The following KIAA1549 variants were observed in gnomAD, a reference collection of about 807,000 sequenced individuals.
KIAA1549 encodes UPF0606 protein KIAA1549.
A neutral mutation model predicts 156.4 loss-of-function variants in KIAA1549; 70 were observed. The ratio of observed to expected loss-of-function variants is 0.45; its 90% CI spans 0.37 to 0.55. The LOEUF is 0.55. KIAA1549 is among the 20% of genes least tolerant of loss of function. KIAA1549 has a pLI of 0.00. For synonymous variants in KIAA1549, 1,103 were observed against 1,066.4 expected (o/e 1.03, Z -0.67); for missense variants, 2,428 against 2,540.9 (o/e 0.96, Z 0.96).
chr7:138,871,018 T>C (rs974399392), intron 13 of KIAA1549, 139 bp downstream of exon 13: 5 of 712,002 alleles, frequency 7.0e-6, no homozygotes, highest in Admixed American at 2.7e-5. Context: ...CGTTTCACCA[T>C]GTTGGCCAGG....
chr7:138,869,694 T>G lies in KIAA1549; in HGVS notation c.4619A>C (p.Lys1540Thr). 6.2e-7 allele frequency: 1 copy of G among 1,612,304 alleles called. No homozygotes were observed. The highest frequency in any genetic ancestry group is 8.5e-7 in the Non-Finnish European group (1 of 1,179,838). The change falls in exon 14 of 20, where the codon AAG becomes ACG. Residue 1540 changes from lysine (K) to threonine (T), a missense_variant. This residue lies in a region of KIAA1549 where 404 missense variants were observed against 417.0 expected (regional missense o/e 0.97). Transcript: ENST00000422774. ...HHRNKIRLRA[K>T]RRGHYEFPVV... ...CGGGAACTCGTAGTGCCCGCGGCGCTTGGCGCGCAGGCGGATCTTGTTGCG... is the reference window on the plus strand; with the variant it reads ...CGGGAACTCGTAGTGCCCGCGGCGCGTGGCGCGCAGGCGGATCTTGTTGCG...
At position 138,907,252 on chromosome 7, in the gene KIAA1549, C is replaced by A. The variant is rs551121408; in HGVS notation, c.3277-150G>T. 33 of 627,482 alleles carry A rather than the reference C, an allele frequency of 5.3e-5. No homozygotes were observed. In the Admixed American group the frequency reaches 1.0e-3, roughly 19 times the overall value. 38.9% of individuals were successfully genotyped at this position (627,482 alleles called of 1,614,324 possible). A position where few individuals can be genotyped will look rare whatever the true frequency, so the allele number is the denominator to read the frequency against. The stretch of plus-strand genomic sequence containing the variant: ...GTAACTGGCTTTCTAACCTGGTTCC[C>A]TTTTGTAAGAGTTTAACTGCTCAGT... On this transcript the variant is annotated intron_variant, in intron 5 of 19. Transcript: ENST00000422774.
rs750667002 is a variant in KIAA1549 at position 138,871,346 on chromosome 7, A to G, written c.4362T>C (p.Ser1454=). Residue 1454 remains serine (S), a synonymous_variant, in exon 13 of 20, where the codon AGT becomes AGC. Coordinates refer to ENST00000422774, the MANE Select transcript of KIAA1549 (RefSeq NM_001164665.2). ...RAPQSGPPLP[S]SGNEQHSSAS... is the part of the protein sequence containing the mutation. ...CTGATGAGTGCTGCTCATTTCCCGAACTGGGCAGTGGTGGCCCTGGAACAG... is the reference window on the plus strand; with the variant it reads ...CTGATGAGTGCTGCTCATTTCCCGAGCTGGGCAGTGGTGGCCCTGGAACAG... 278 of 1,556,904 alleles carry G rather than the reference A, an allele frequency of 1.8e-4. No individual in the cohort carries two copies. The highest frequency in any genetic ancestry group is 2.4e-4 in the Non-Finnish European group (275 of 1,152,322).
At position 138,871,278 on chromosome 7, in the gene KIAA1549, T is replaced by G. The variant is rs1445806478; in HGVS notation, c.4430A>C (p.Glu1477Ala). Reference sequence around the variant, plus strand: ...CTTACTGGGGACCCGCCGGCTAGCCTCCGGGGGGCGGGAGATCCTGTCCAC... The same window carrying G: ...CTTACTGGGGACCCGCCGGCTAGCCGCCGGGGGGCGGGAGATCCTGTCCAC... ...EHVDRISRPP[E>A]ASRRVPSKIQ... Residue 1477 changes from glutamate to alanine, a missense_variant, in exon 13 of 20, where the codon GAG (glutamate) becomes GCG (alanine). By Grantham distance (107) the Glu-to-Ala change is moderately radical (BLOSUM62 -1). Around this residue, in one of 5 missense-constraint regions of KIAA1549, gnomAD observed 404 missense variants for 417.0 expected, o/e 0.97. Transcript: ENST00000422774. 1 of 1,610,988 alleles carries G rather than the reference T, an allele frequency of 6.2e-7. No homozygotes were observed. The highest frequency in any genetic ancestry group is 1.1e-5 in the South Asian group (1 of 90,630).
intron 1 of KIAA1549, among the ~76,000 whole-genome samples, chr7:138,956,532 GTGAA>G (rs1240617777): frequency 6.6e-6 from 1 of 152,100 alleles, no homozygotes; most frequent in Non-Finnish European, 1.5e-5. Context: ...TCTGGTGGTA[GTGAA>G]TAAGTCTCAC....
At chr7:138,914,666 T>TATCA (rs748724348) in intron 2 of KIAA1549, among the ~76,000 whole-genome samples, 5 of 152,130 alleles carry the variant, frequency 3.3e-5, no homozygotes, top group Non-Finnish European at 7.4e-5. Context: ...GGGTCAAAGG[T>TATCA]ATCACCAGGA....
intron 10 of KIAA1549, among the ~76,000 whole-genome samples, chr7:138,889,217 G>A (rs934420789): frequency 1.7e-4 from 26 of 152,170 alleles, no homozygotes; most frequent in African/African-American, 6.0e-4. Context: ...TCCCCTAAGT[G>A]GAGGTCTCCA....
intron 1 of KIAA1549, among the ~76,000 whole-genome samples, chr7:138,946,970 C>A (rs1220993947): frequency 6.6e-6 from 1 of 152,162 alleles, no homozygotes; most frequent in African/African-American, 2.4e-5. Flanking sequence ...AGGTAAACAA[C>A]CCCTGGTCTC....
At chr7:138,848,580 T>G (rs75281901) in intron 17 of KIAA1549, among the ~76,000 whole-genome samples, 103 of 152,350 alleles carry the variant, frequency 6.8e-4, no homozygotes, top group African/African-American at 2.4e-3. Flanking sequence ...ATATTTAGTT[T>G]CAATTTTTTT....
Position 138,897,579 on chromosome 7 carries a change from T to C in KIAA1549, c.3847+1376A>G, listed in dbSNP as rs77845498. Among the ~76,000 whole-genome samples, 1,508 of 152,212 alleles carry C rather than the reference T, an allele frequency of 9.9e-3. 26 individuals are homozygous for C. Among genetic ancestry groups the C allele is most frequent in the African/African-American group, 0.034 (1,430 of 41,508 alleles). ...TTCACCATTCTCTTACCAAGACTGC[T>C]TGCAGGATCACAAAGGAAAAACACT... On this transcript the variant is annotated intron_variant, in intron 9 of 19. Coordinates refer to ENST00000422774, the MANE Select transcript of KIAA1549 (RefSeq NM_001164665.2).
At chr7:138,853,077 A>G (rs1316837989) in intron 16 of KIAA1549, among the ~76,000 whole-genome samples, 1 of 152,186 alleles carries the variant, frequency 6.6e-6, no homozygotes, top group Non-Finnish European at 1.5e-5. Flanking sequence ...TTATTTCAAC[A>G]TTTCTTTTCA....
intron 16 of KIAA1549, among the ~76,000 whole-genome samples, chr7:138,857,978 C>T (rs1810440849): frequency 6.6e-6 from 1 of 152,156 alleles, no homozygotes; most frequent in African/African-American, 2.4e-5. Context: ...GGTGTTTAGA[C>T]CATTCACATT....
At chr7:138,971,979 G>A (rs1405024785) in intron 1 of KIAA1549, among the ~76,000 whole-genome samples, 1 of 152,194 alleles carries the variant, frequency 6.6e-6, no homozygotes, top group African/African-American at 2.4e-5. Context: ...TCCTGCTGAA[G>A]GTGGAGGATG....
At position 138,859,008 on chromosome 7, in the gene KIAA1549, AACACACACACAC is replaced by A. The variant is rs57352970; in HGVS notation, c.5247+2119_5247+2130del. 4.6e-3 allele frequency among the ~76,000 whole-genome samples: 650 copies of A among 142,342 alleles called. 9 individuals are homozygous for A. Among genetic ancestry groups the A allele is most frequent in the Admixed American group, 0.036 (515 of 14,246 alleles). 93.4% of individuals were successfully genotyped at this position (142,342 alleles called of 152,430 possible). ...GTGACAGAGCGAGACTCCATCTCAA[AACACACACACAC>A]ACACACACACACACACACACACACA... On this transcript the variant is annotated intron_variant, in intron 16 of 19. Transcript: ENST00000422774.
rs369862556 is a variant in KIAA1549, at chr7:138,942,619, G to GT, written c.188-23182dup. ...TACATGCGCTCCCTTACCCGCAAAAGTAAGTTGGAGGCTGGGCACGGTGAC... is the reference window on the plus strand; with the variant it reads ...TACATGCGCTCCCTTACCCGCAAAAGTTAAGTTGGAGGCTGGGCACGGTGAC... On this transcript the variant is annotated intron_variant, in intron 1 of 19. Coordinates refer to ENST00000422774, the MANE Select transcript of KIAA1549 (RefSeq NM_001164665.2). Among the ~76,000 whole-genome samples, 177 of 152,072 alleles carry GT rather than the reference G, an allele frequency of 1.2e-3. 2 individuals carry two copies. Among genetic ancestry groups the GT allele is most frequent in the African/African-American group, 4.2e-3 (174 of 41,500 alleles).
In KIAA1549 at chr7:138,961,202, A is replaced by G. The variant is rs941937266; in HGVS notation, c.187+19881T>C. ...AAGTTGCTCCTGTTGTCCTCGGAGC[A>G]GTCTCAAGACTTGAAGTTTGGCACT... On this transcript the variant is annotated intron_variant, in intron 1 of 19. Transcript: ENST00000422774. 2.6e-5 allele frequency among the ~76,000 whole-genome samples: 4 copies of G among 152,358 alleles called. No individual in the cohort carries two copies. In the East Asian group the frequency reaches 5.8e-4, roughly 22 times the overall value.
intron 7 of KIAA1549, among the ~76,000 whole-genome samples, chr7:138,904,535 G>A (rs6467818): frequency 6.7e-6 from 1 of 148,502 alleles, no homozygotes; most frequent in East Asian, 2.1e-4. Flanking sequence ...GAGTACGTAA[G>A]TACTGTTCAG....
At chr7:138,962,847 T>C (rs763489811) in intron 1 of KIAA1549, among the ~76,000 whole-genome samples, 2 of 152,216 alleles carry the variant, frequency 1.3e-5, no homozygotes, top group Non-Finnish European at 2.9e-5. Flanking sequence ...GGCTCCCCTT[T>C]AGCTTTAAAA....
intron 1 of KIAA1549, among the ~76,000 whole-genome samples, chr7:138,952,811 C>G (rs1813539425): frequency 2.6e-5 from 4 of 152,164 alleles, no homozygotes; most frequent in Admixed American, 2.6e-4. Flanking sequence ...TTAAAACAAG[C>G]ATCACCACCC....
Sources: gnomAD v4.1 joint callset for allele counts (sites outside exome capture counted in the v4.1 genomes callset) on GRCh38, gnomAD v4.1.1 for gene constraint, gnomAD v4.1.1 regional missense constraint, MANE v1.5 for transcripts, NCBI Gene and HGNC (gene_info 2026-07-23, HGNC 2026-07-21) for gene names.